Variants in SPTLC3 observed in about 807,000 individuals in gnomAD.
SPTLC3 encodes serine palmitoyltransferase 3.
A neutral mutation model predicts 59.3 loss-of-function variants in SPTLC3; 36 were observed. The observed-to-expected ratio is 0.61, with a 90% CI of 0.47 to 0.80. The LOEUF (loss-of-function observed/expected upper bound fraction) is 0.80. Among genes scored for constraint, SPTLC3 ranks in the 30% least tolerant of loss-of-function variants. The probability of loss-of-function intolerance (pLI) is 0.00; values close to 1 mark genes in which losing one functional copy is unlikely to be tolerated. For synonymous variants in SPTLC3, 257 were observed against 240.8 expected (o/e 1.07, Z -0.62); for missense variants, 625 against 685.1 (o/e 0.91, Z 0.98).
intron 8 of SPTLC3, among the ~76,000 whole-genome samples, chr20:13,121,344 C>T (rs2037861738): frequency 6.6e-6 from 1 of 152,190 alleles, no homozygotes; most frequent in Non-Finnish European, 1.5e-5. Context: ...CCAGCCAAAG[C>T]CAGGTCACTC....
intron 1 of SPTLC3, among the ~76,000 whole-genome samples, chr20:13,042,814 T>A (rs1987049316): frequency 6.6e-6 from 1 of 152,206 alleles, no homozygotes; most frequent in Admixed American, 6.5e-5. Flanking sequence ...TGTATTTCCT[T>A]CAATAAATAT....
chr20:13,028,295 C>T (rs535331489), intron 1 of SPTLC3, among the ~76,000 whole-genome samples: 97 of 152,126 alleles, frequency 6.4e-4, no homozygotes, highest in Non-Finnish European at 1.3e-3. Context: ...TTTCTGTTCA[C>T]AAAGTGTGAA....
At chr20:13,058,115 T>C (rs910775339) in intron 2 of SPTLC3, among the ~76,000 whole-genome samples, 65 of 151,578 alleles carry the variant, frequency 4.3e-4, no homozygotes, top group African/African-American at 1.5e-3. Context: ...TCTTCAGAGA[T>C]TTTTACTCCC....
Position 13,164,755 on chromosome 20 carries a change from T to C in SPTLC3, c.1547T>C (p.Val516Ala), listed in dbSNP as rs1211154882. The C allele has an allele frequency of 3.1e-6, 5 of 1,612,486 alleles. No homozygotes were observed. Among genetic ancestry groups the C allele is most frequent in the Non-Finnish European group, 4.2e-6 (5 of 1,179,216 alleles). The change falls in exon 12 of 12, where the codon GTT (valine) becomes GCT (alanine). Residue 516 changes from valine (V) to alanine (A), a missense_variant and splice_region_variant. Transcript: ENST00000399002. The part of the protein sequence containing the change: ...AAHTREMLDT[V>A]LEALDEMGDL... The stretch of plus-strand genomic sequence containing the variant: ...TATTGGAAAGCAATCTCATTGCAGG[T>C]TTTAGAAGCTCTTGATGAAATGGGT...
chr20:13,081,974 A>G (rs1015317553), intron 4 of SPTLC3, among the ~76,000 whole-genome samples: 4 of 152,220 alleles, frequency 2.6e-5, no homozygotes, highest in African/African-American at 9.6e-5. Context: ...TTCTGACAAC[A>G]TAATTGCCCT....
At chr20:13,044,097 T>C (rs1987119401) in intron 1 of SPTLC3, among the ~76,000 whole-genome samples, 1 of 126,204 alleles carries the variant, frequency 7.9e-6, no homozygotes, top group Non-Finnish European at 1.7e-5. Flanking sequence ...TCTTGTTTCT[T>C]TTTTTTCTTT....
At chr20:13,160,794 T>C (rs1199521640) in intron 11 of SPTLC3, among the ~76,000 whole-genome samples, 1 of 152,166 alleles carries the variant, frequency 6.6e-6, no homozygotes, top group African/African-American at 2.4e-5. Context: ...GCAACACATA[T>C]AATACCAGAC....
At chr20:13,081,069 C>G (rs1316638646) in intron 4 of SPTLC3, among the ~76,000 whole-genome samples, 1 of 152,090 alleles carries the variant, frequency 6.6e-6, no homozygotes, top group Admixed American at 6.5e-5. Context: ...GAAACTGAAG[C>G]AAAATTAATA....
At chr20:13,011,786 G>T (rs757672170) in intron 1 of SPTLC3, among the ~76,000 whole-genome samples, 14 of 151,628 alleles carry the variant, frequency 9.2e-5, no homozygotes, top group Non-Finnish European at 1.9e-4. Flanking sequence ...ACAAAAACTG[G>T]TTTTCATCAC....
intron 6 of SPTLC3, among the ~76,000 whole-genome samples, chr20:13,106,067 C>G (rs1600285722): frequency 6.6e-6 from 1 of 152,118 alleles, no homozygotes; most frequent in Non-Finnish European, 1.5e-5. Flanking sequence ...TACGCTAAAA[C>G]ACGCTCTTGG....
chr20:13,160,244 A>G, intron 11 of SPTLC3, 112 bp downstream of exon 11: 1 of 1,312,874 alleles, frequency 7.6e-7, no homozygotes, highest in Non-Finnish European at 1.0e-6. Flanking sequence ...TTATTTAGGA[A>G]AACAACACTG....
chr20:13,009,225 C>A lies in SPTLC3; in HGVS notation c.-43C>A, dbSNP rs771745442. 3.9e-6 allele frequency: 6 copies of A among 1,527,254 alleles called. No individual in the cohort carries two copies. Among genetic ancestry groups the A allele is most frequent in the Non-Finnish European group, 5.4e-6 (6 of 1,101,514 alleles). The allele number at this position is 1,527,254 out of a possible 1,614,324, so 94.6% of individuals were successfully genotyped here. On this transcript the variant is annotated 5_prime_UTR_variant, in exon 1 of 12. Transcript: ENST00000399002. The stretch of plus-strand genomic sequence containing the variant: ...GACTGAAAACTAAAGCCTGCAGAGA[C>A]CTCTGAAGGAAAACCTGTCCCGGGC...
intron 6 of SPTLC3, among the ~76,000 whole-genome samples, chr20:13,100,851 G>T (rs940934932): frequency 3.9e-5 from 6 of 152,190 alleles, no homozygotes; most frequent in Non-Finnish European, 8.8e-5. Flanking sequence ...AATCACAGGG[G>T]TCAAAATGCA....
intron 1 of SPTLC3, among the ~76,000 whole-genome samples, chr20:13,037,343 A>T (rs1211863817): frequency 2.6e-5 from 4 of 152,168 alleles, no homozygotes; most frequent in African/African-American, 9.7e-5. Flanking sequence ...TCAACTGAAC[A>T]TCAAGGTTCT....
chr20:13,017,635 A>G (rs1359088328), intron 1 of SPTLC3, among the ~76,000 whole-genome samples: 6 of 152,134 alleles, frequency 3.9e-5, no homozygotes. Flanking sequence ...GATTTTTTTT[A>G]GCTTATCAGC....
chr20:13,164,477 G>C (rs2038958113), intron 11 of SPTLC3: 4 of 528,614 alleles, frequency 7.6e-6, no homozygotes, highest in Middle Eastern at 3.3e-4. Context: ...GGTAAGCATG[G>C]GTCACATGTT....
chr20:13,096,196 C>A (rs186450083), intron 6 of SPTLC3, among the ~76,000 whole-genome samples: 2 of 152,228 alleles, frequency 1.3e-5, no homozygotes, highest in East Asian at 1.9e-4. Flanking sequence ...AATGGCACAA[C>A]TTCTTTGGAA....
chr20:13,140,550 T>C (rs1182969524), intron 9 of SPTLC3, among the ~76,000 whole-genome samples: 5 of 152,184 alleles, frequency 3.3e-5, no homozygotes, highest in African/African-American at 4.8e-5. Flanking sequence ...TTGCATTTTA[T>C]CTACTTTTGA....
chr20:13,164,949 T>A lies in SPTLC3; in HGVS notation c.*82T>A. On this transcript the variant is annotated 3_prime_UTR_variant, in exon 12 of 12. Transcript: ENST00000399002. ...CTCACAAGGAATATAAATGGATTTC[T>A]CCCCCTTCCTCAGGACAATTTTGGT... is the stretch of plus-strand genomic sequence containing the variant. 4.2e-6 allele frequency: 5 copies of A among 1,200,666 alleles called. No individual in the cohort carries two copies. Among genetic ancestry groups the A allele is most frequent in the Non-Finnish European group, 4.7e-6 (4 of 860,158 alleles). 74.4% of individuals were successfully genotyped at this position (1,200,666 alleles called of 1,614,324 possible).
Sources: gnomAD v4.1 joint callset for allele counts (sites outside exome capture counted in the v4.1 genomes callset) on GRCh38, gnomAD v4.1.1 for gene constraint, MANE v1.5 for transcripts, NCBI Gene and HGNC (gene_info 2026-07-23, HGNC 2026-07-21) for gene names.